Variants in OSBPL9 observed in about 807,000 individuals in gnomAD.
OSBPL9 encodes oxysterol binding protein like 9, also known as oxysterol-binding protein-related protein 9.
In OSBPL9, 40 loss-of-function variants were observed where a neutral mutation model predicts 106.6. The observed-to-expected ratio is 0.38, with a 90% CI of 0.29 to 0.49. The LOEUF is 0.49. Among genes scored for constraint, OSBPL9 ranks in the 20% least tolerant of loss-of-function variants. The probability of loss-of-function intolerance (pLI) is 0.97; values close to 1 mark genes in which losing one functional copy is unlikely to be tolerated. For synonymous variants in OSBPL9, 269 were observed against 295.4 expected (o/e 0.91, Z 0.92); for missense variants, 609 against 887.2 (o/e 0.69, Z 3.98).
At chr1:51,629,511 C>G (rs1644976320) in intron 1 of OSBPL9, among the ~76,000 whole-genome samples, 1 of 152,154 alleles carries the variant, frequency 6.6e-6, no homozygotes, top group Non-Finnish European at 1.5e-5. Context: ...ATATAGTTTA[C>G]TACATACCTA....
intron 1 of OSBPL9, among the ~76,000 whole-genome samples, chr1:51,591,073 C>T (rs1183013879): frequency 6.6e-6 from 1 of 152,096 alleles, no homozygotes; most frequent in African/African-American, 2.4e-5. Flanking sequence ...CGCCTGCCAC[C>T]AAGCCCAGCT....
intron 2 of OSBPL9, among the ~76,000 whole-genome samples, chr1:51,608,007 G>A (rs569307087): frequency 4.6e-5 from 7 of 152,278 alleles, no homozygotes; most frequent in South Asian, 2.1e-4. Context: ...CAGGCTGTCC[G>A]CATGCACACT....
chr1:51,618,024 G>GTGTGTGTGTGTGTGT (rs1553150728), intron 1 of OSBPL9, among the ~76,000 whole-genome samples: 1 of 150,416 alleles, frequency 6.6e-6, no homozygotes, highest in African/African-American at 2.4e-5. Flanking sequence ...GTGTGTGTGT[G>GTGTGTGTGTGTGTGT]GTTTTTTTTT....
chr1:51,769,494 A>G (rs1163284369), intron 12 of OSBPL9, among the ~76,000 whole-genome samples: 2 of 152,178 alleles, frequency 1.3e-5, no homozygotes, highest in Non-Finnish European at 1.5e-5. Flanking sequence ...TATGAGCGTC[A>G]TTGTGTTTTC....
At chr1:51,748,420 T>G (rs1668489334) in intron 7 of OSBPL9, 22 bp downstream of exon 7, 13 of 1,462,362 alleles carry the variant, frequency 8.9e-6, no homozygotes, top group Admixed American at 2.8e-5. Context: ...GTTTGATACA[T>G]TCTGACTTTG....
the OSBPL9 span, among the ~76,000 whole-genome samples, chr1:51,534,825 C>T: frequency 1.3e-5 from 2 of 152,174 alleles, no homozygotes; most frequent in African/African-American, 4.8e-5. Flanking sequence ...TTGGGCAAGC[C>T]CCTTCTCTCC....
intron 1 of OSBPL9, among the ~76,000 whole-genome samples, chr1:51,585,583 C>G (rs112392462): frequency 6.6e-6 from 1 of 152,130 alleles, no homozygotes; most frequent in South Asian, 2.1e-4. Context: ...CGAGACCAGC[C>G]TGACCAACAT....
At chr1:51,600,743 A>C (rs1645322208) in intron 2 of OSBPL9, among the ~76,000 whole-genome samples, 1 of 152,190 alleles carries the variant, frequency 6.6e-6, no homozygotes, top group Non-Finnish European at 1.5e-5. Context: ...TAGAAGTTGC[A>C]TAACATCAGA....
At chr1:51,530,176 A>AAAAAAAAACAAAAAAC in the OSBPL9 span, among the ~76,000 whole-genome samples, 2 of 107,706 alleles carry the variant, frequency 1.9e-5, no homozygotes, top group Non-Finnish European at 3.8e-5. Context: ...GTCTCAAAAA[A>AAAAAAAAACAAAAAAC]AAAAAAAAAA....
chr1:51,755,400 A>G (rs1168084175), intron 8 of OSBPL9, among the ~76,000 whole-genome samples: 1 of 152,242 alleles, frequency 6.6e-6, no homozygotes, highest in Non-Finnish European at 1.5e-5. Context: ...GATTTTCTAT[A>G]TAGATGGTCC....
chr1:51,724,296 C>G (rs1366078466), intron 4 of OSBPL9, among the ~76,000 whole-genome samples: 1 of 151,256 alleles, frequency 6.6e-6, no homozygotes, highest in South Asian at 2.1e-4. Flanking sequence ...TTTTTTTCTT[C>G]TTTTTGAGAT....
chr1:51,531,183 C>G, the OSBPL9 span, among the ~76,000 whole-genome samples: 1 of 152,010 alleles, frequency 6.6e-6, no homozygotes, highest in African/African-American at 2.4e-5. Flanking sequence ...GAGGCTGAGG[C>G]AGGAGAATCA....
At chr1:51,636,122 C>G (rs1255691470) in intron 1 of OSBPL9, among the ~76,000 whole-genome samples, 1 of 136,534 alleles carries the variant, frequency 7.3e-6, no homozygotes, top group Non-Finnish European at 1.6e-5. Context: ...TTTCTAAAAT[C>G]AATCCTTCCT....
intron 3 of OSBPL9, among the ~76,000 whole-genome samples, chr1:51,682,706 G>A (rs759648832): frequency 2.7e-5 from 4 of 149,900 alleles, no homozygotes; most frequent in Admixed American, 1.3e-4. Flanking sequence ...GTAGTGAGCC[G>A]AGATCACACC....
chr1:51,652,178 TGTGA>T, intron 2 of OSBPL9, 137 bp downstream of exon 2: 1 of 622,872 alleles, frequency 1.6e-6, no homozygotes, highest in Non-Finnish European at 2.7e-6. Context: ...AGAGAGAAAA[TGTGA>T]TTTCTCCAAG....
the OSBPL9 span, among the ~76,000 whole-genome samples, chr1:51,530,180 A>G: frequency 9.6e-5 from 11 of 114,428 alleles, no homozygotes; most frequent in Non-Finnish European, 1.6e-4. Flanking sequence ...CAAAAAAAAA[A>G]AAAAAAAAAA....
At chr1:51,725,547 A>G (rs1662961585) in intron 4 of OSBPL9, among the ~76,000 whole-genome samples, 1 of 152,068 alleles carries the variant, frequency 6.6e-6, no homozygotes, top group African/African-American at 2.4e-5. Context: ...CTGTGAGTGG[A>G]CCTTTAGTAA....
chr1:51,746,703 C>A lies in OSBPL9; in HGVS notation c.415-7C>A, dbSNP rs1484752940. The A allele has an allele frequency of 7.5e-6, 12 of 1,601,976 alleles. No homozygotes were observed. The highest frequency in any genetic ancestry group is 2.7e-5 in the African/African-American group (2 of 74,406). On this transcript the variant is annotated splice_region_variant and splice_polypyrimidine_tract_variant and intron_variant, in intron 5 of 23. Coordinates refer to ENST00000428468, the MANE Select transcript of OSBPL9 (RefSeq NM_024586.6). ...TGATACTATAACCATTTTTTAAAAT[C>A]TTGTAGCTTTTTGATGACAAGCTTC... is the stretch of plus-strand genomic sequence containing the variant.
intron 3 of OSBPL9, among the ~76,000 whole-genome samples, chr1:51,705,402 T>TATTTA (rs1658307039): frequency 1.3e-5 from 1 of 75,254 alleles, no homozygotes; most frequent in Admixed American, 1.3e-4. Flanking sequence ...TATATATATT[T>TATTTA]TTTTTTTTTT....
Sources: gnomAD v4.1 joint callset for allele counts (sites outside exome capture counted in the v4.1 genomes callset) on GRCh38, gnomAD v4.1.1 for gene constraint, MANE v1.5 for transcripts, NCBI Gene and HGNC (gene_info 2026-07-23, HGNC 2026-07-21) for gene names.